The following ZMAT4 variants were observed in gnomAD, a reference collection of about 807,000 sequenced individuals.
ZMAT4 encodes the protein zinc finger matrin-type protein 4.
Under a neutral mutation model 28.7 loss-of-function variants are expected in ZMAT4, and 17 were observed. The ratio of observed to expected loss-of-function variants is 0.59; its 90% CI spans 0.41 to 0.89. The LOEUF is 0.89. Among genes scored for constraint, ZMAT4 ranks in the 40% least tolerant of loss-of-function variants. The pLI is 0.00. For synonymous variants in ZMAT4, 117 were observed against 109.2 expected (o/e 1.07, Z -0.44); for missense variants, 240 against 283.8 (o/e 0.85, Z 1.11).
intron 1 of ZMAT4, among the ~76,000 whole-genome samples, chr8:40,832,336 T>A (rs1272937338): frequency 6.6e-6 from 1 of 152,180 alleles, no homozygotes; most frequent in African/African-American, 2.4e-5. Flanking sequence ...TGGGCTAACA[T>A]CTGCCTGGAC....
intron 6 of ZMAT4, among the ~76,000 whole-genome samples, chr8:40,535,139 T>C (rs1032842384): frequency 6.6e-6 from 1 of 152,128 alleles, no homozygotes; most frequent in Non-Finnish European, 1.5e-5. Context: ...TGGCGCGACA[T>C]AGAACTTCTG....
chr8:40,828,815 C>T (rs1257877374), intron 1 of ZMAT4, among the ~76,000 whole-genome samples: 1 of 152,052 alleles, frequency 6.6e-6, no homozygotes, highest in Non-Finnish European at 1.5e-5. Context: ...CTTTAGACAA[C>T]CAGAGGGTCC....
intron 5 of ZMAT4, among the ~76,000 whole-genome samples, chr8:40,647,446 T>C (rs528127059): frequency 6.6e-6 from 1 of 152,260 alleles, no homozygotes; most frequent in East Asian, 1.9e-4. Context: ...GTCTAGCTGA[T>C]TGCTAGCACA....
At chr8:40,589,128 T>A (rs985484065) in intron 5 of ZMAT4, among the ~76,000 whole-genome samples, 1 of 152,208 alleles carries the variant, frequency 6.6e-6, no homozygotes, top group Non-Finnish European at 1.5e-5. Context: ...CTAATACTGA[T>A]ATATGCCATA....
chr8:40,574,549 C>A (rs1363848204), intron 6 of ZMAT4, among the ~76,000 whole-genome samples: 3 of 152,026 alleles, frequency 2.0e-5, no homozygotes, highest in African/African-American at 7.2e-5. Flanking sequence ...ATTTGTTCCT[C>A]CCACAAAAAA....
At chr8:40,703,381 G>A (rs1810225824) in intron 3 of ZMAT4, among the ~76,000 whole-genome samples, 1 of 152,140 alleles carries the variant, frequency 6.6e-6, no homozygotes, top group African/African-American at 2.4e-5. Context: ...ACAATGGCAT[G>A]GTATTTGCAA....
intron 2 of ZMAT4, among the ~76,000 whole-genome samples, chr8:40,799,396 G>A (rs1204760797): frequency 6.6e-6 from 1 of 152,166 alleles, no homozygotes; most frequent in Non-Finnish European, 1.5e-5. Context: ...TTTCCGTTCT[G>A]ATATGTGTAG....
chr8:40,675,373 G>T (rs1808867152), intron 4 of ZMAT4, among the ~76,000 whole-genome samples: 1 of 151,684 alleles, frequency 6.6e-6, no homozygotes, highest in Non-Finnish European at 1.5e-5. Flanking sequence ...GAAAAAAAAT[G>T]TAGTAAAATA....
chr8:40,684,909 G>A (rs1163977196), intron 4 of ZMAT4, among the ~76,000 whole-genome samples: 1 of 151,468 alleles, frequency 6.6e-6, no homozygotes, highest in African/African-American at 2.4e-5. Flanking sequence ...CCTGAAAAAA[G>A]GGACCTCATG....
chr8:40,627,925 CTG>C (rs1035855826), intron 5 of ZMAT4, among the ~76,000 whole-genome samples: 1 of 152,110 alleles, frequency 6.6e-6, no homozygotes, highest in East Asian at 1.9e-4. Context: ...GATTTTGTCT[CTG>C]TAGTGAGAGG....
At chr8:40,825,472 C>T (rs183273679) in intron 2 of ZMAT4, 103 bp downstream of exon 2, 1 of 965,022 alleles carries the variant, frequency 1.0e-6, no homozygotes, top group African/African-American at 1.6e-5. Flanking sequence ...TGTGGTTCTT[C>T]AAATGTGCCC....
intron 3 of ZMAT4, among the ~76,000 whole-genome samples, chr8:40,723,666 T>C (rs915087653): frequency 6.6e-6 from 1 of 151,994 alleles, no homozygotes; most frequent in Non-Finnish European, 1.5e-5. Context: ...TTTAGGAATC[T>C]AACCAGATTT....
chr8:40,569,298 C>T (rs1804019641), intron 6 of ZMAT4, among the ~76,000 whole-genome samples: 1 of 152,208 alleles, frequency 6.6e-6, no homozygotes, highest in Admixed American at 6.5e-5. Flanking sequence ...TTCTCATTTA[C>T]TTAATTCAAT....
At chr8:40,798,934 A>G (rs1033979572) in intron 2 of ZMAT4, among the ~76,000 whole-genome samples, 2 of 152,116 alleles carry the variant, frequency 1.3e-5, no homozygotes, top group African/African-American at 2.4e-5. Flanking sequence ...AGTCCCCTCA[A>G]TTGGGACATA....
At chr8:40,879,114 C>A (rs532812036) in intron 1 of ZMAT4, among the ~76,000 whole-genome samples, 1 of 152,316 alleles carries the variant, frequency 6.6e-6, no homozygotes, top group South Asian at 2.1e-4. Flanking sequence ...CCCATGTCTA[C>A]CTCTTTGTTC....
chr8:40,885,252 C>A (rs1818413762), intron 1 of ZMAT4, among the ~76,000 whole-genome samples: 1 of 152,166 alleles, frequency 6.6e-6, no homozygotes, highest in African/African-American at 2.4e-5. Context: ...CCCACCATCT[C>A]AGGCCAAAAG....
chr8:40,862,435 G>A (rs1817528737), intron 1 of ZMAT4, among the ~76,000 whole-genome samples: 1 of 118,964 alleles, frequency 8.4e-6, no homozygotes, highest in African/African-American at 3.2e-5. Flanking sequence ...TCGGGGGAGG[G>A]GGGAGGGATA....
intron 6 of ZMAT4, among the ~76,000 whole-genome samples, chr8:40,556,902 C>G (rs1455366462): frequency 6.6e-6 from 1 of 152,176 alleles, no homozygotes; most frequent in Non-Finnish European, 1.5e-5. Context: ...TAGTCACTCT[C>G]CTTTGCTAAT....
At chr8:40,839,560 G>A (rs779511653) in intron 1 of ZMAT4, among the ~76,000 whole-genome samples, 12 of 152,284 alleles carry the variant, frequency 7.9e-5, no homozygotes, top group East Asian at 3.9e-4. Flanking sequence ...ACAGTGAATC[G>A]ACCTAAATGT....
Sources: allele counts gnomAD v4.1 joint callset (sites outside exome capture counted in the v4.1 genomes callset), GRCh38; gene constraint gnomAD v4.1.1; transcripts MANE v1.5; gene names NCBI Gene and HGNC (gene_info 2026-07-23, HGNC 2026-07-21).